Variants in DGKI observed in about 807,000 individuals in gnomAD.
The protein encoded by DGKI is diacylglycerol kinase iota.
DGKI carries 55 observed loss-of-function variants against 147.5 expected under a neutral mutation model. That is an observed-to-expected ratio of 0.37 (90% confidence interval 0.30 to 0.47). DGKI has a LOEUF of 0.47. Among genes scored for constraint, DGKI ranks in the 20% least tolerant of loss-of-function variants. The probability of loss-of-function intolerance (pLI) is 1.00; values close to 1 mark genes in which losing one functional copy is unlikely to be tolerated. For synonymous variants in DGKI, 469 were observed against 477.1 expected (o/e 0.98, Z 0.22); for missense variants, 1,007 against 1,323.8 (o/e 0.76, Z 3.71).
In DGKI at chr7:137,388,550, C is replaced by G. The variant is rs143230466; in HGVS notation, c.*2670G>C. On this transcript the variant is annotated 3_prime_UTR_variant, in exon 33 of 33. Transcript: ENST00000614521. ...GACCAGGACTAGATCACTTGCTTTC[C>G]TGATGTCCTAATAGTAGGGATACAA... The G allele has an allele frequency of 3.5e-4, 54 of 152,216 alleles. No individual in the cohort carries two copies. Among genetic ancestry groups the G allele is most frequent in the African/African-American group, 1.3e-3 (53 of 41,522 alleles). The allele number at this position is 152,216 out of a possible 1,614,324, so 9.4% of individuals were successfully genotyped here.
chr7:137,764,259 C>T (rs1316069206), intron 1 of DGKI, among the ~76,000 whole-genome samples: 1 of 150,426 alleles, frequency 6.6e-6, no homozygotes, highest in East Asian at 1.9e-4. Flanking sequence ...CTGAGCACAC[C>T]AGAATTATTG....
intron 21 of DGKI, among the ~76,000 whole-genome samples, chr7:137,513,587 T>G (rs1435144472): frequency 6.6e-6 from 1 of 152,212 alleles, no homozygotes; most frequent in Non-Finnish European, 1.5e-5. Flanking sequence ...AACATGTCGT[T>G]AGGTGATTTC....
intron 1 of DGKI, among the ~76,000 whole-genome samples, chr7:137,830,146 CT>C (rs1420678638): frequency 6.6e-6 from 1 of 152,196 alleles, no homozygotes; most frequent in African/African-American, 2.4e-5. Context: ...CTAAGCAAAA[CT>C]TTGGAAATAT....
intron 5 of DGKI, among the ~76,000 whole-genome samples, chr7:137,649,647 G>A (rs180736437): frequency 2.0e-5 from 3 of 151,752 alleles, no homozygotes; most frequent in African/African-American, 4.8e-5. Flanking sequence ...AATTGGGTTC[G>A]GTAAATACTG....
Position 137,537,475 on chromosome 7 carries a change from C to T in DGKI, c.2147+14894G>A, listed in dbSNP as rs954173319. Among the ~76,000 whole-genome samples the T allele has an allele frequency of 3.3e-5, 5 of 152,156 alleles. No individual in the cohort carries two copies. In the East Asian group the frequency reaches 7.7e-4, roughly 23 times the overall value. ...AAATACAGAAATAAAAAAAAATTAT[C>T]GATAATCCTACAATTCAGAGATAAT... On this transcript the variant is annotated intron_variant, in intron 20 of 32. Coordinates refer to ENST00000614521, the MANE Select transcript of DGKI (RefSeq NM_001321708.2).
intron 1 of DGKI, among the ~76,000 whole-genome samples, chr7:137,806,092 C>G: frequency 6.6e-6 from 1 of 152,204 alleles, no homozygotes; most frequent in Admixed American, 6.5e-5. Flanking sequence ...CCTTTTTCCA[C>G]TCACCGTGCC....
At chr7:137,641,046 T>C (rs892885923) in intron 6 of DGKI, among the ~76,000 whole-genome samples, 8 of 152,146 alleles carry the variant, frequency 5.3e-5, no homozygotes, top group African/African-American at 1.4e-4. Flanking sequence ...TGGCAGGTGA[T>C]TGAATTATGG....
chr7:137,784,551 C>T (rs973699763), intron 1 of DGKI, among the ~76,000 whole-genome samples: 1 of 152,058 alleles, frequency 6.6e-6, no homozygotes, highest in East Asian at 1.9e-4. Flanking sequence ...CCACTGACAG[C>T]ACTAGACAGG....
Position 137,466,133 on chromosome 7 carries a change from A to C in DGKI, c.2485-98T>G, listed in dbSNP as rs2128926707. 3 of 1,429,824 alleles carry C rather than the reference A, an allele frequency of 2.1e-6. No homozygotes were observed. In the South Asian group the frequency reaches 3.8e-5, roughly 18 times the overall value. The allele number at this position is 1,429,824 out of a possible 1,614,324, so 88.6% of individuals were successfully genotyped here. A position where few individuals can be genotyped will look rare whatever the true frequency, so the allele number is the denominator to read the frequency against. On this transcript the variant is annotated intron_variant, in intron 25 of 32. Coordinates refer to ENST00000614521, the MANE Select transcript of DGKI (RefSeq NM_001321708.2). ...ATTCTGCAACGTGTCAAAGGATCAC[A>C]CTGTGTTGTCAGAAGCTTGATCAGT...
intron 21 of DGKI, among the ~76,000 whole-genome samples, chr7:137,498,295 T>C (rs966539041): frequency 2.6e-5 from 4 of 151,726 alleles, no homozygotes; most frequent in Admixed American, 2.6e-4. Flanking sequence ...ATTAGAAACC[T>C]AGTCCAGGAG....
chr7:137,765,176 T>C (rs895186156), intron 1 of DGKI, among the ~76,000 whole-genome samples: 1 of 152,230 alleles, frequency 6.6e-6, no homozygotes, highest in African/African-American at 2.4e-5. Context: ...TGCAGCTTTT[T>C]AGTTGCCTCA....
At chr7:137,446,264 G>A (rs1195523528) in intron 27 of DGKI, among the ~76,000 whole-genome samples, 3 of 152,230 alleles carry the variant, frequency 2.0e-5, no homozygotes, top group African/African-American at 4.8e-5. Flanking sequence ...TCTGCAGTAT[G>A]TCCAGGCAGT....
At chr7:137,832,675 G>A (rs958112813) in intron 1 of DGKI, among the ~76,000 whole-genome samples, 8 of 152,198 alleles carry the variant, frequency 5.3e-5, no homozygotes, top group Non-Finnish European at 8.8e-5. Flanking sequence ...TTTCCCCATT[G>A]TCTTGGTGAT....
intron 21 of DGKI, chr7:137,513,890 G>A (rs1379621538): frequency 2.1e-5 from 15 of 700,100 alleles, no homozygotes; most frequent in East Asian, 5.6e-5. Context: ...AAGCGAATGC[G>A]CAGGCTGAAG....
intron 6 of DGKI, among the ~76,000 whole-genome samples, chr7:137,640,551 C>T (rs1036503231): frequency 1.3e-5 from 2 of 152,182 alleles, no homozygotes; most frequent in Non-Finnish European, 2.9e-5. Flanking sequence ...GATCCTCACC[C>T]TTAAACGTCC....
At chr7:137,397,478 T>C in intron 30 of DGKI, 65 bp from the exon 31 acceptor site, 1 of 1,516,020 alleles carries the variant, frequency 6.6e-7, no homozygotes, top group South Asian at 1.2e-5. Flanking sequence ...TAACAGAAAA[T>C]CTATAGTCAC....
rs1480957625 is a variant in DGKI at position 137,678,577 on chromosome 7, TCTC to T, written c.583_585del (p.Glu195del). The T allele has an allele frequency of 5.0e-6, 8 of 1,614,042 alleles. No individual in the cohort carries two copies. The highest frequency in any genetic ancestry group is 5.9e-6 in the Non-Finnish European group (7 of 1,179,984). ...CTCACTGCAAATCTGACTTGGCAGT[TCTC>T]CTCTCCAAGGTAGCAGAGGTCTCCC... On this transcript the variant is annotated inframe_deletion, in exon 3 of 33. Transcript: ENST00000614521.
chr7:137,603,613 TACAG>T (rs1820071915), intron 10 of DGKI, among the ~76,000 whole-genome samples: 1 of 152,226 alleles, frequency 6.6e-6, no homozygotes, highest in South Asian at 2.1e-4. Flanking sequence ...ACTTCTCTGA[TACAG>T]ACGTCTGCTA....
At chr7:137,587,908 T>C (rs1200435668) in intron 12 of DGKI, among the ~76,000 whole-genome samples, 1 of 152,234 alleles carries the variant, frequency 6.6e-6, no homozygotes, top group Non-Finnish European at 1.5e-5. Flanking sequence ...TATCCCTGTT[T>C]AATCTTTTTC....
Sources: gnomAD v4.1 joint callset for allele counts (sites outside exome capture counted in the v4.1 genomes callset) on GRCh38, gnomAD v4.1.1 for gene constraint, MANE v1.5 for transcripts, NCBI Gene and HGNC (gene_info 2026-07-23, HGNC 2026-07-21) for gene names.